The following EFCAB5 variants were observed in gnomAD, a reference collection of about 807,000 sequenced individuals.
EFCAB5 encodes the protein EF-hand calcium binding domain 5.
In EFCAB5, 131 loss-of-function variants were observed where a neutral mutation model predicts 167.9. The ratio of observed to expected loss-of-function variants is 0.78; its 90% CI spans 0.68 to 0.90. EFCAB5 has a LOEUF of 0.90. EFCAB5 is among the 40% of genes least tolerant of loss of function. The pLI, the probability that EFCAB5 is intolerant of heterozygous loss-of-function variation, is 0.00. For missense variants in EFCAB5, 1,663 were observed against 1,745.2 expected (o/e 0.95, Z 0.84); for synonymous variants, 574 against 602.8 (o/e 0.95, Z 0.70).
intron 8 of EFCAB5, among the ~76,000 whole-genome samples, chr17:30,048,828 T>C (rs1382690704): frequency 6.6e-6 from 1 of 152,212 alleles, no homozygotes; most frequent in Admixed American, 6.5e-5. Context: ...TCTATTTACA[T>C]GGCTATTCCA....
At chr17:30,073,101 G>C (rs2070783326) in intron 14 of EFCAB5, 1 of 685,650 alleles carries the variant, frequency 1.5e-6, no homozygotes, top group East Asian at 2.8e-5. Flanking sequence ...CTGTCGCCAG[G>C]CTGGAGTGCA....
intron 5 of EFCAB5, 122 bp from the exon 6 acceptor site, chr17:29,996,190 G>C: frequency 2.7e-6 from 2 of 731,168 alleles, no homozygotes; most frequent in Non-Finnish European, 2.2e-6. Context: ...TCCTTGGGTT[G>C]GAAAGATCAC....
chr17:29,956,733 C>T (rs930707564), intron 3 of EFCAB5, among the ~76,000 whole-genome samples: 2 of 151,978 alleles, frequency 1.3e-5, no homozygotes, highest in Non-Finnish European at 2.9e-5. Flanking sequence ...TAAAAGAGCA[C>T]ATACTCTGTG....
At chr17:29,955,373 T>C (rs756294636) in intron 3 of EFCAB5, among the ~76,000 whole-genome samples, 3 of 152,172 alleles carry the variant, frequency 2.0e-5, no homozygotes, top group African/African-American at 4.8e-5. Context: ...GTTCTCATGA[T>C]AGTGAATAAA....
chr17:30,034,010 T>A (rs973647424), intron 7 of EFCAB5, among the ~76,000 whole-genome samples: 15 of 152,200 alleles, frequency 9.9e-5, no homozygotes, highest in African/African-American at 3.6e-4. Flanking sequence ...AAATATCTAG[T>A]CCCACTGATG....
rs1597536448 is a variant in EFCAB5, at chr17:29,930,057, G to C, written c.-127+728G>C. The C allele has an allele frequency of 4.1e-6, 6 of 1,463,408 alleles. No homozygotes were observed. In the East Asian group the frequency reaches 1.2e-4, roughly 30 times the overall value. 90.7% of individuals were successfully genotyped at this position (1,463,408 alleles called of 1,614,324 possible). The stretch of plus-strand genomic sequence containing the variant: ...ATTCTTGTCCTGAGTGTGGGGGACG[G>C]GAGGGTGACGGAGCCGGGATGGGGA... On this transcript the variant is annotated intron_variant, in intron 1 of 3. Coordinates refer to the EFCAB5 transcript ENST00000448319.
At chr17:29,977,215 A>T (rs1225408090) in intron 4 of EFCAB5, among the ~76,000 whole-genome samples, 2 of 152,170 alleles carry the variant, frequency 1.3e-5, no homozygotes, top group African/African-American at 4.8e-5. Context: ...ATAATGAAAA[A>T]TATTTGCTCC....
intron 4 of EFCAB5, among the ~76,000 whole-genome samples, chr17:29,981,622 G>C (rs1054843676): frequency 1.3e-5 from 2 of 152,132 alleles, no homozygotes; most frequent in Non-Finnish European, 2.9e-5. Context: ...CTAACACTGT[G>C]TCTTATGAGT....
upstream of EFCAB5, among the ~76,000 whole-genome samples, chr17:29,941,004 T>C (rs968955677): frequency 4.0e-5 from 6 of 151,008 alleles, no homozygotes; most frequent in Non-Finnish European, 8.9e-5. Context: ...TGCACCACTG[T>C]ACTCCAGCCC....
intron 7 of EFCAB5, among the ~76,000 whole-genome samples, chr17:30,016,308 A>G (rs1471325647): frequency 1.3e-5 from 2 of 152,166 alleles, no homozygotes; most frequent in African/African-American, 2.4e-5. Context: ...GTCATATCAA[A>G]AAACCATTGC....
intron 7 of EFCAB5, among the ~76,000 whole-genome samples, chr17:30,019,987 A>C (rs2069135641): frequency 6.6e-6 from 1 of 152,176 alleles, no homozygotes; most frequent in African/African-American, 2.4e-5. Flanking sequence ...TCATCATCTC[A>C]CATCATTTTT....
intron 7 of EFCAB5, among the ~76,000 whole-genome samples, chr17:30,005,919 T>C (rs931859737): frequency 3.3e-5 from 5 of 152,332 alleles, no homozygotes; most frequent in Middle Eastern, 3.4e-3. Context: ...TGACTCCAAG[T>C]TTTAGACAGA....
At chr17:29,994,721 G>A (rs2068507749) in intron 5 of EFCAB5, among the ~76,000 whole-genome samples, 1 of 152,170 alleles carries the variant, frequency 6.6e-6, no homozygotes, top group African/African-American at 2.4e-5. Flanking sequence ...GACCAGCCTG[G>A]CCAACATGGT....
At chr17:30,104,981 G>GA (rs1457576567) in intron 22 of EFCAB5, among the ~76,000 whole-genome samples, 1 of 152,066 alleles carries the variant, frequency 6.6e-6, no homozygotes, top group African/African-American at 2.4e-5. Flanking sequence ...GTTCAGATAA[G>GA]AACACTGTGG....
At chr17:29,996,284 T>C (rs929236387) in intron 5 of EFCAB5, 28 bp from the exon 6 acceptor site, 79 of 1,535,106 alleles carry the variant, frequency 5.1e-5, no homozygotes, top group Non-Finnish European at 6.8e-5. Context: ...ATATGGTTTC[T>C]TTCTTTTTTT....
At position 29,993,271 on chromosome 17, in the gene EFCAB5, C is replaced by G. The variant is rs758444116; in HGVS notation, c.874C>G (p.Gln292Glu). The G allele has an allele frequency of 7.4e-6, 12 of 1,613,712 alleles. No individual in the cohort carries two copies. The highest frequency in any genetic ancestry group is 1.0e-5 in the Non-Finnish European group (12 of 1,179,794). Residue 292 changes from glutamine to glutamate, a missense_variant, in exon 5 of 23, where the codon CAA becomes GAA. By Grantham distance (29) the Gln-to-Glu change is conservative (BLOSUM62 2). Transcript: ENST00000394835. Reference sequence around the variant, plus strand: ...CACACGGAAACAGGCTCTGCAGGAGCAATTCGATGAATGGATTCTAGACCC... The same window carrying G: ...CACACGGAAACAGGCTCTGCAGGAGGAATTCGATGAATGGATTCTAGACCC... ...ANTRKQALQE[Q>E]FDEWILDPKG...
chr17:29,941,759 T>C lies in EFCAB5; in HGVS notation c.-38T>C. 6.4e-7 allele frequency: 1 copy of C among 1,550,750 alleles called. No homozygotes were observed. Among genetic ancestry groups the C allele is most frequent in the Non-Finnish European group, 8.8e-7 (1 of 1,136,890 alleles). ...TGTTATTAATACTGGTCTAGTAATA[T>C]TCTTCTATACCATTTGGTGATAACT... On this transcript the variant is annotated 5_prime_UTR_variant, in exon 1 of 23. Coordinates refer to ENST00000394835, the MANE Select transcript of EFCAB5 (RefSeq NM_198529.4).
chr17:29,977,009 G>T (rs546832392), intron 4 of EFCAB5, among the ~76,000 whole-genome samples: 1 of 152,210 alleles, frequency 6.6e-6, no homozygotes, highest in South Asian at 2.1e-4. Flanking sequence ...CATAGATATA[G>T]AATTAAAGTG....
At chr17:29,968,432 G>A in intron 3 of EFCAB5, 3 of 401,132 alleles carry the variant, frequency 7.5e-6, no homozygotes, top group Middle Eastern at 8.2e-4. Context: ...ATAAAACAGA[G>A]CCTCAAGAGG....
Sources: gnomAD v4.1 joint callset for allele counts (sites outside exome capture counted in the v4.1 genomes callset) on GRCh38, gnomAD v4.1.1 for gene constraint, MANE v1.5 for transcripts, NCBI Gene and HGNC (gene_info 2026-07-23, HGNC 2026-07-21) for gene names.